The following ALOX12 variants were observed in gnomAD, a reference collection of about 807,000 sequenced individuals.
ALOX12 encodes polyunsaturated fatty acid lipoxygenase ALOX12.
In ALOX12, 62 loss-of-function variants were observed where a neutral mutation model predicts 85.5. That is an observed-to-expected ratio of 0.73 (90% confidence interval 0.59 to 0.90). The LOEUF (loss-of-function observed/expected upper bound fraction) is 0.90. ALOX12 is among the 40% of genes least tolerant of loss of function. ALOX12 has a pLI of 0.00. For missense variants in ALOX12, 751 were observed against 856.5 expected, an observed-to-expected ratio of 0.88 and a Z score of 1.54; for synonymous variants, 299 against 332.7, an observed-to-expected ratio of 0.90 and a Z score of 1.10.
chr17:7,004,376 TTTAATTTAATTTAATATTA>T (rs1908922577), intron 8 of ALOX12, among the ~76,000 whole-genome samples: 2 of 127,392 alleles, frequency 1.6e-5, no homozygotes, highest in African/African-American at 5.5e-5. Flanking sequence ...ATTAATTTAA[TTTAATTTAATTTAATATTA>T]ATTAATTTAA....
rs192990019 is a variant in ALOX12 at position 7,004,154 on chromosome 17, A to T, written c.1162-1103A>T. Among the ~76,000 whole-genome samples, 50 of 115,600 alleles carry T rather than the reference A, an allele frequency of 4.3e-4. 1 individual carries two copies. The highest frequency in any genetic ancestry group is 6.6e-4 in the Non-Finnish European group (37 of 56,288). The allele number at this position is 115,600 out of a possible 152,430, so 75.8% of individuals were successfully genotyped here. ...AAATAAATAATTAAAATTTAAATAAATTTAAATTTAAAATTTAAATTTAAT... is the reference window on the plus strand; with the variant it reads ...AAATAAATAATTAAAATTTAAATAATTTTAAATTTAAAATTTAAATTTAAT... On this transcript the variant is annotated intron_variant, in intron 8 of 13. Coordinates refer to ENST00000251535, the MANE Select transcript of ALOX12 (RefSeq NM_000697.3).
chr17:6,999,152 C>T (rs1908588282), intron 5 of ALOX12, 96 bp downstream of exon 5: 3 of 1,483,654 alleles, frequency 2.0e-6, no homozygotes, highest in South Asian at 2.4e-5. Context: ...CAAGAAGAGA[C>T]CTTATCATAT....
intron 9 of ALOX12, 131 bp downstream of exon 9, chr17:7,005,474 CTT>C (rs35201122): frequency 0.068 from 14,842 of 217,830 alleles, no homozygotes; most frequent in East Asian, 0.088. Flanking sequence ...ATACCCATGT[CTT>C]TTTTTTTTTT....
At chr17:7,008,046 G>C (rs1909177624) in intron 11 of ALOX12, among the ~76,000 whole-genome samples, 1 of 152,174 alleles carries the variant, frequency 6.6e-6, no homozygotes, top group African/African-American at 2.4e-5. Flanking sequence ...TCACACAGCA[G>C]AAAGATAGCA....
rs1051179705 is a variant in ALOX12, at chr17:7,000,247, G to C, written c.808-89G>C. 1.4e-6 allele frequency: 2 copies of C among 1,480,044 alleles called. No individual in the cohort carries two copies. The highest frequency in any genetic ancestry group is 9.3e-7 in the Non-Finnish European group (1 of 1,078,420). 91.7% of individuals were successfully genotyped at this position (1,480,044 alleles called of 1,614,324 possible). On this transcript the variant is annotated intron_variant, in intron 6 of 13. Coordinates refer to ENST00000251535, the MANE Select transcript of ALOX12 (RefSeq NM_000697.3). This position sits in a 1 kb window ranked among gnomAD's most constrained non-coding sequence, Gnocchi z 4.6. ...CGGTACTGATGCAGGAGAATGGCAA[G>C]AAGCTAGACTAAATCTCTTGCCCTT... is the stretch of plus-strand genomic sequence containing the variant.
intron 7 of ALOX12, 34 bp from the exon 8 acceptor site, chr17:7,001,568 G>A (rs769201198): frequency 1.0e-5 from 16 of 1,552,666 alleles, no homozygotes; most frequent in Middle Eastern, 1.7e-4. Flanking sequence ...TGTCATATAC[G>A]GAATGGGAGT....
In ALOX12 at chr17:7,007,893, TA is replaced by T. The variant is rs536879600; in HGVS notation, c.1540+1294del. ...GAAACTCCGTCTCAAAAAAATAAAA[TA>T]AAAAAAACCACACACCATAGACTGG... On this transcript the variant is annotated intron_variant, in intron 11 of 13. Transcript: ENST00000251535. 3.2e-3 allele frequency among the ~76,000 whole-genome samples: 491 copies of T among 151,498 alleles called. 3 individuals carry two copies. Among genetic ancestry groups the T allele is most frequent in the African/African-American group, 0.01 (423 of 41,302 alleles).
rs1908566090 is a variant in ALOX12, at chr17:6,998,726, G to A, written c.431G>A (p.Trp144Ter). Residue 144 changes from tryptophan (W) to a stop codon, truncating the protein, a stop_gained, in exon 4 of 14, where the codon TGG (tryptophan) becomes TAG (stop). Coordinates refer to ENST00000251535, the MANE Select transcript of ALOX12 (RefSeq NM_000697.3). LOFTEE classifies it high-confidence loss of function. ...TCCCCAACTCCTAGCTGGGCCACCT[G>A]GAAGGAAGGGTTACCCCTGACCATC... ...DRQQIYCWATWKEGLPLTIAA... is the reference protein window; with the variant it reads ...DRQQIYCWAT The A allele has an allele frequency of 6.2e-7, 1 of 1,613,440 alleles. No individual in the cohort carries two copies. The highest frequency in any genetic ancestry group is 8.5e-7 in the Non-Finnish European group (1 of 1,179,930).
At position 7,006,032 on chromosome 17, in the gene ALOX12, G is replaced by A; in HGVS notation, c.1418+5G>A. Reference sequence around the variant, plus strand: ...GCTCTGGGAGATCATTGCCAGGTGAGTAAGGAGGAGCTGAGAAATGGTGGG... The same window carrying A: ...GCTCTGGGAGATCATTGCCAGGTGAATAAGGAGGAGCTGAGAAATGGTGGG... On this transcript the variant is annotated splice_donor_5th_base_variant and intron_variant, in intron 10 of 13. Coordinates refer to ENST00000251535, the MANE Select transcript of ALOX12 (RefSeq NM_000697.3). 7.6e-7 allele frequency: 1 copy of A among 1,308,706 alleles called. No individual in the cohort carries two copies. The allele number at this position is 1,308,706 out of a possible 1,614,324, so 81.1% of individuals were successfully genotyped here.
chr17:7,006,398 T>C, intron 10 of ALOX12, 88 bp from the exon 11 acceptor site: 1 of 1,586,834 alleles, frequency 6.3e-7, no homozygotes, highest in Non-Finnish European at 8.6e-7. Context: ...CCAGATACTG[T>C]GGAAGCATTG....
At chr17:7,008,018 C>T (rs968030772) in intron 11 of ALOX12, among the ~76,000 whole-genome samples, 27 of 152,270 alleles carry the variant, frequency 1.8e-4, no homozygotes, top group East Asian at 9.6e-4. Context: ...TGCCCACAGC[C>T]GATTTCTCCC....
intron 13 of ALOX12, 47 bp from the exon 14 acceptor site, chr17:7,010,197 A>G (rs1909317026): frequency 6.2e-7 from 1 of 1,600,728 alleles, no homozygotes; most frequent in South Asian, 1.1e-5. Flanking sequence ...GCTGGGCTCT[A>G]GGTGCGTTTG....
chr17:7,002,324 T>C (rs15966), intron 8 of ALOX12: 215,494 of 365,146 alleles, frequency 0.59, 64,058 homozygotes, highest in Admixed American at 0.67. Flanking sequence ...TAGAGATGTA[T>C]GTTAGCATGG....
chr17:6,996,838 G>T lies in ALOX12; in HGVS notation c.148G>T (p.Asp50Tyr). The T allele has an allele frequency of 6.2e-7, 1 of 1,613,248 alleles. No homozygotes were observed. The highest frequency in any genetic ancestry group is 1.1e-5 in the South Asian group (1 of 90,976). Residue 50 changes from aspartate to tyrosine, a missense_variant, in exon 2 of 14, where the codon GAT becomes TAT. Physicochemically the swap from Asp to Tyr is radical, Grantham distance 160. Coordinates refer to ENST00000251535, the MANE Select transcript of ALOX12 (RefSeq NM_000697.3). ...RPARGEEEEF[D>Y]HDVAEDLGLL... ...CCGGCCTGCACAGGAGGAGGAGTTT[G>T]ATCATGACGTTGCAGAGGACTTGGG...
intron 6 of ALOX12, among the ~76,000 whole-genome samples, chr17:6,999,783 C>T (rs1186238933): frequency 2.0e-5 from 3 of 152,104 alleles, no homozygotes; most frequent in Admixed American, 2.0e-4. Flanking sequence ...GAAGTGCCAT[C>T]AGGTGGGGAG....
intron 10 of ALOX12, 76 bp from the exon 11 acceptor site, chr17:7,006,410 G>A (rs1172438646): frequency 5.0e-6 from 8 of 1,601,578 alleles, no homozygotes; most frequent in Non-Finnish European, 6.8e-6. Flanking sequence ...GAAGCATTGG[G>A]CAGATGCCAC....
rs1908726439 is a variant in ALOX12, at chr17:7,001,799, C to A, written c.1149C>A (p.His383Gln). ...CCATGCGGTGCCTCCCAGGACTGCA[C>A]CCCATCTTCAAGGTACTTATTAATC... ...VATMRCLPGL[H>Q]PIFKFLIPHI... The change falls in exon 8 of 14, where the codon CAC becomes CAA. Residue 383 changes from histidine to glutamine, a missense_variant. Coordinates refer to ENST00000251535, the MANE Select transcript of ALOX12 (RefSeq NM_000697.3). The A allele has an allele frequency of 1.2e-6, 2 of 1,613,826 alleles. No homozygotes were observed. Among genetic ancestry groups the A allele is most frequent in the East Asian group, 2.2e-5 (1 of 44,884 alleles).
In ALOX12 at chr17:6,996,259, G is replaced by C; in HGVS notation, c.135+7G>C. On this transcript the variant is annotated splice_region_variant and intron_variant, in intron 1 of 13. Coordinates refer to ENST00000251535, the MANE Select transcript of ALOX12 (RefSeq NM_000697.3). ...GCGGCCCGCGCGGGGCGAGGTCAGC[G>C]CGGGGAGCGAGGGGAGCTAGGGCAG... The C allele has an allele frequency of 8.1e-7, 1 of 1,234,690 alleles. No homozygotes were observed. Among genetic ancestry groups the C allele is most frequent in the Non-Finnish European group, 1.0e-6 (1 of 984,370 alleles). 76.5% of individuals were successfully genotyped at this position (1,234,690 alleles called of 1,614,324 possible). A position where few individuals can be genotyped will look rare whatever the true frequency, so the allele number is the denominator to read the frequency against.
At chr17:7,006,690 A>G in intron 11 of ALOX12, 83 bp downstream of exon 11, 1 of 1,481,922 alleles carries the variant, frequency 6.7e-7, no homozygotes, top group Non-Finnish European at 9.0e-7. Flanking sequence ...TGGGGACAGG[A>G]CCCCAGCCTC....
Sources: gnomAD v4.1 joint callset for allele counts (sites outside exome capture counted in the v4.1 genomes callset) on GRCh38, gnomAD v4.1.1 for gene constraint, Gnocchi (gnomAD v3.1) non-coding constraint, MANE v1.5 for transcripts, NCBI Gene and HGNC (gene_info 2026-07-23, HGNC 2026-07-21) for gene names.